INSL6: variants seen among roughly 807,000 people sequenced by gnomAD.
INSL6 encodes the protein insulin like 6.
INSL6 carries 16 observed loss-of-function variants against 9.4 expected under a neutral mutation model. That is an observed-to-expected ratio of 1.70 (90% CI 1.15 to 2.59). The LOEUF (loss-of-function observed/expected upper bound fraction) is 2.59. Ranked by LOEUF, INSL6 falls within the 30% of genes most tolerant of loss-of-function variation. The pLI, the probability that INSL6 is intolerant of heterozygous loss-of-function variation, is 0.00. For synonymous variants in INSL6, 154 were observed against 96.9 expected, an observed-to-expected ratio of 1.59 and a Z score of -3.46; for missense variants, 391 against 257.3, an observed-to-expected ratio of 1.52 and a Z score of -3.56.
downstream of INSL6, chr9:5,123,151 T>G (rs552137578): frequency 2.8e-6 from 4 of 1,438,670 alleles, no homozygotes; most frequent in East Asian, 6.9e-5. Context: ...ACTTTCAGTT[T>G]TTTGTTTGTT....
chr9:5,133,149 T>G, intron 3 of INSL6, among the ~76,000 whole-genome samples: 1 of 150,392 alleles, frequency 6.6e-6, no homozygotes, highest in East Asian at 1.9e-4. Context: ...TAAACAGATA[T>G]GCAGTGATAT....
chr9:5,093,922 G>C, the INSL6 span, among the ~76,000 whole-genome samples: 1,729 of 152,172 alleles, frequency 0.011, 17 homozygotes, highest in Non-Finnish European at 0.018. Flanking sequence ...CTCCTAGTAT[G>C]AAAGGACAAG....
At chr9:5,115,227 A>C in the INSL6 span, among the ~76,000 whole-genome samples, 1 of 152,208 alleles carries the variant, frequency 6.6e-6, no homozygotes, top group Non-Finnish European at 1.5e-5. Flanking sequence ...AGAAAAAAAC[A>C]ACCCCATCAA....
the INSL6 span, among the ~76,000 whole-genome samples, chr9:5,002,410 A>G: frequency 3.3e-5 from 5 of 151,980 alleles, no homozygotes; most frequent in East Asian, 1.9e-4. Flanking sequence ...ATTTAGAACT[A>G]TGTTAATTTT....
chr9:5,113,701 C>T, the INSL6 span: 10 of 165,896 alleles, frequency 6.0e-5, no homozygotes, highest in Admixed American at 6.5e-5. Context: ...TCAACAGGAG[C>T]GCTGGGACCT....
the INSL6 span, among the ~76,000 whole-genome samples, chr9:5,074,969 T>G: frequency 1.3e-5 from 2 of 152,208 alleles, no homozygotes; most frequent in South Asian, 4.1e-4. Context: ...GCACATAAAT[T>G]ACAAGAAAGT....
chr9:5,090,919 T>C, the INSL6 span: 2 of 1,545,506 alleles, frequency 1.3e-6, no homozygotes, highest in Non-Finnish European at 1.7e-6. Context: ...CTGGTGAGTA[T>C]ATTTCAGTAT....
intron 2 of INSL6, among the ~76,000 whole-genome samples, chr9:5,152,169 CTG>C (rs1824726191): frequency 6.6e-6 from 1 of 152,110 alleles, no homozygotes; most frequent in East Asian, 1.9e-4. Flanking sequence ...ATCTCACTAA[CTG>C]AGAGAACAAG....
chr9:5,130,929 C>G (rs555377087), intron 3 of INSL6, among the ~76,000 whole-genome samples: 1 of 151,260 alleles, frequency 6.6e-6, no homozygotes, highest in Admixed American at 6.6e-5. Flanking sequence ...CGGGGTTTCA[C>G]TGTGTTAGCC....
the INSL6 span, among the ~76,000 whole-genome samples, chr9:5,044,855 A>G: frequency 6.6e-6 from 1 of 152,206 alleles, no homozygotes; most frequent in Non-Finnish European, 1.5e-5. Context: ...TATTAGTAAC[A>G]TTTCTTTATG....
the INSL6 span, chr9:5,041,416 C>A: frequency 1.6e-6 from 1 of 629,174 alleles, no homozygotes; most frequent in Non-Finnish European, 3.0e-6. Flanking sequence ...AGGTGCTGGG[C>A]CACATGTTCA....
the INSL6 span, among the ~76,000 whole-genome samples, chr9:5,032,073 A>G: frequency 3.3e-5 from 5 of 152,222 alleles, no homozygotes; most frequent in African/African-American, 4.8e-5. Context: ...ATACTGCGCT[A>G]TTCTAACGGT....
At chr9:5,149,556 G>C (rs954335856) in intron 2 of INSL6, among the ~76,000 whole-genome samples, 2 of 152,002 alleles carry the variant, frequency 1.3e-5, no homozygotes, top group Non-Finnish European at 2.9e-5. Context: ...ATCTCTATAA[G>C]GAAATCTACA....
chr9:5,023,233 C>T, the INSL6 span, among the ~76,000 whole-genome samples: 1 of 152,194 alleles, frequency 6.6e-6, no homozygotes, highest in Non-Finnish European at 1.5e-5. Flanking sequence ...TTTTAGCTCC[C>T]ACATATGAAT....
chr9:5,141,330 A>G (rs1202288275), intron 2 of INSL6, among the ~76,000 whole-genome samples: 1 of 152,090 alleles, frequency 6.6e-6, no homozygotes, highest in Non-Finnish European at 1.5e-5. Context: ...CAGCAGTGTA[A>G]AAGTGTTCCT....
chr9:5,167,616 C>T (rs1564051375), intron 1 of INSL6, among the ~76,000 whole-genome samples: 1 of 152,186 alleles, frequency 6.6e-6, no homozygotes, highest in Non-Finnish European at 1.5e-5. Context: ...ACTCTGATAT[C>T]CCTGAGAAGA....
the INSL6 span, among the ~76,000 whole-genome samples, chr9:5,025,956 G>T: frequency 6.6e-6 from 1 of 152,098 alleles, no homozygotes; most frequent in Non-Finnish European, 1.5e-5. Context: ...AGCACTCTTT[G>T]TCTTCATAAC....
chr9:5,158,888 T>C (rs898403523), downstream of INSL6, among the ~76,000 whole-genome samples: 1 of 152,120 alleles, frequency 6.6e-6, no homozygotes, highest in Non-Finnish European at 1.5e-5. Context: ...AAACTACTCA[T>C]ATGTAGAAAG....
chr9:5,127,763 A>G (rs1287830011), intron 3 of INSL6: 2 of 232,586 alleles, frequency 8.6e-6, no homozygotes, highest in Non-Finnish European at 1.7e-5. Context: ...TTAAAAATGG[A>G]TAGCTCATTA....
Sources: allele counts gnomAD v4.1 joint callset (sites outside exome capture counted in the v4.1 genomes callset), GRCh38; gene constraint gnomAD v4.1.1; transcripts MANE v1.5; gene names NCBI Gene and HGNC (gene_info 2026-07-23, HGNC 2026-07-21).